The following GNAQ variants were observed in gnomAD, a reference collection of about 807,000 sequenced individuals.
GNAQ encodes guanine nucleotide-binding protein G(q) subunit alpha.
In GNAQ, 8 loss-of-function variants were observed where a neutral mutation model predicts 43.9. The observed-to-expected ratio is 0.18, with a 90% CI of 0.11 to 0.33. The LOEUF is 0.33. Among genes scored for constraint, GNAQ ranks in the 10% least tolerant of loss-of-function variants. The probability of loss-of-function intolerance (pLI) is 1.00; values close to 1 mark genes in which losing one functional copy is unlikely to be tolerated. For synonymous variants in GNAQ, 155 were observed against 170.7 expected (o/e 0.91, Z 0.71); for missense variants, 158 against 450.8 (o/e 0.35, Z 5.88).
intron 2 of GNAQ, among the ~76,000 whole-genome samples, chr9:77,827,124 GT>G (rs5898561): frequency 0.046 from 6,912 of 150,876 alleles, 176 homozygotes; most frequent in South Asian, 0.077. Context: ...CATAGAAAAG[GT>G]TTTTTTTTCT....
chr9:77,954,713 A>G (rs1333629796), intron 1 of GNAQ, among the ~76,000 whole-genome samples: 1 of 152,218 alleles, frequency 6.6e-6, no homozygotes, highest in Non-Finnish European at 1.5e-5. Context: ...TATTAAAGAC[A>G]TAAGCTAAGG....
At chr9:77,935,802 A>AC (rs1829222974) in intron 1 of GNAQ, among the ~76,000 whole-genome samples, 1 of 152,210 alleles carries the variant, frequency 6.6e-6, no homozygotes, top group South Asian at 2.1e-4. Context: ...ACAGGAACAG[A>AC]CGTGCAACAA....
chr9:77,833,118 C>T (rs578106783), intron 2 of GNAQ, among the ~76,000 whole-genome samples: 1 of 152,220 alleles, frequency 6.6e-6, no homozygotes, highest in African/African-American at 2.4e-5. Flanking sequence ...AGGCATGCAC[C>T]ACCACACCTG....
At chr9:77,761,984 C>CGGGA (rs1826038899) in intron 5 of GNAQ, among the ~76,000 whole-genome samples, 1 of 133,334 alleles carries the variant, frequency 7.5e-6, no homozygotes, top group Non-Finnish European at 1.6e-5. Flanking sequence ...CCGCCCCGTC[C>CGGGA]GGGAGGTGAG....
chr9:77,989,308 G>A (rs1243161626), intron 1 of GNAQ, among the ~76,000 whole-genome samples: 2 of 152,134 alleles, frequency 1.3e-5, no homozygotes, highest in Non-Finnish European at 2.9e-5. Context: ...GCCCAAATCA[G>A]TTAGGGCACC....
chr9:77,829,594 C>T (rs1564123406), intron 2 of GNAQ, among the ~76,000 whole-genome samples: 1 of 152,198 alleles, frequency 6.6e-6, no homozygotes, highest in Non-Finnish European at 1.5e-5. Context: ...GACACAGCTG[C>T]AGCTTTGTGG....
intron 2 of GNAQ, among the ~76,000 whole-genome samples, chr9:77,855,011 T>C (rs527447721): frequency 2.0e-5 from 3 of 152,340 alleles, no homozygotes; most frequent in African/African-American, 7.2e-5. Context: ...GATATTTTAC[T>C]GGTTACAACT....
chr9:77,728,703 T>C, intron 5 of GNAQ, 36 bp from the exon 6 acceptor site: 4 of 1,363,320 alleles, frequency 2.9e-6, no homozygotes, highest in Non-Finnish European at 4.1e-6. Flanking sequence ...AAACAAGGAG[T>C]GAATTACATG....
At chr9:77,916,560 A>T (rs1170078300) in intron 2 of GNAQ, among the ~76,000 whole-genome samples, 3 of 152,128 alleles carry the variant, frequency 2.0e-5, no homozygotes, top group African/African-American at 7.2e-5. Flanking sequence ...TTCCTGTGAC[A>T]AGTTCTTTCT....
chr9:77,904,533 C>T (rs1455864884), intron 2 of GNAQ, among the ~76,000 whole-genome samples: 4 of 151,862 alleles, frequency 2.6e-5, no homozygotes, highest in Admixed American at 1.3e-4. Flanking sequence ...AAGGTTTCAC[C>T]ATGTTGACCA....
chr9:77,852,237 A>C (rs151207578), intron 2 of GNAQ, among the ~76,000 whole-genome samples: 96 of 152,290 alleles, frequency 6.3e-4, no homozygotes, highest in African/African-American at 2.2e-3. Flanking sequence ...GCTCTCACAA[A>C]TACAGAGAAT....
chr9:77,874,236 T>C (rs1016215433), intron 2 of GNAQ, among the ~76,000 whole-genome samples: 2 of 152,188 alleles, frequency 1.3e-5, no homozygotes, highest in Non-Finnish European at 2.9e-5. Context: ...ACACAGCTTA[T>C]TAGGCTTGGG....
chr9:77,994,769 A>G (rs1216472553), intron 1 of GNAQ, among the ~76,000 whole-genome samples: 2 of 152,302 alleles, frequency 1.3e-5, no homozygotes. Flanking sequence ...TACCTCCTAT[A>G]AAGCCTAAAC....
intron 1 of GNAQ, among the ~76,000 whole-genome samples, chr9:77,964,315 G>A (rs7860911): frequency 0.29 from 44,736 of 151,820 alleles, 6,755 homozygotes; most frequent in South Asian, 0.43. Context: ...ACAAGTCTAC[G>A]ATTATACTCA....
At chr9:77,835,838 G>A (rs1484155684) in intron 2 of GNAQ, among the ~76,000 whole-genome samples, 1 of 152,166 alleles carries the variant, frequency 6.6e-6, no homozygotes, top group Non-Finnish European at 1.5e-5. Context: ...TACAGCAGAA[G>A]TTATTTGTGT....
chr9:77,882,824 A>AT (rs1491053892), intron 2 of GNAQ, among the ~76,000 whole-genome samples: 11 of 152,148 alleles, frequency 7.2e-5, no homozygotes, highest in Admixed American at 7.2e-4. Context: ...GTAATAAACT[A>AT]TTTTTAAAGT....
chr9:77,788,482 C>T (rs1216882119), intron 5 of GNAQ, among the ~76,000 whole-genome samples: 4 of 152,112 alleles, frequency 2.6e-5, no homozygotes, highest in Non-Finnish European at 4.4e-5. Flanking sequence ...GACACATACA[C>T]ATGTAGTAAA....
At chr9:77,815,874 T>C (rs1827005041) in intron 2 of GNAQ, 104 bp from the exon 3 acceptor site, 3 of 685,984 alleles carry the variant, frequency 4.4e-6, no homozygotes, top group Admixed American at 5.7e-5. Flanking sequence ...TTCCTTCATA[T>C]ACTGGTCTTT....
At chr9:77,871,693 T>TG (rs778241406) in intron 2 of GNAQ, among the ~76,000 whole-genome samples, 2 of 152,318 alleles carry the variant, frequency 1.3e-5, no homozygotes, top group Non-Finnish European at 2.9e-5. Flanking sequence ...AGCTCCCAGA[T>TG]GGAGCAATAA....
Sources: allele counts gnomAD v4.1 joint callset (sites outside exome capture counted in the v4.1 genomes callset), GRCh38; gene constraint gnomAD v4.1.1; transcripts MANE v1.5; gene names NCBI Gene and HGNC (gene_info 2026-07-23, HGNC 2026-07-21).